TAF4B: variants seen among roughly 807,000 people sequenced by gnomAD.
TAF4B encodes the protein TATA-box binding protein associated factor 4b.
Under a neutral mutation model 86.4 loss-of-function variants are expected in TAF4B, and 38 were observed. The ratio of observed to expected loss-of-function variants is 0.44; its 90% CI spans 0.34 to 0.58. The LOEUF (loss-of-function observed/expected upper bound fraction) is 0.58, where lower values mean the gene tolerates loss of function less well. Ranked by LOEUF, TAF4B falls within the 20% of genes least tolerant of loss-of-function variation. The pLI is 0.02. For synonymous variants in TAF4B, 388 were observed against 391.2 expected, an observed-to-expected ratio of 0.99 and a Z score of 0.10; for missense variants, 988 against 1,027.6, an observed-to-expected ratio of 0.96 and a Z score of 0.53.
chr18:26,349,386 A>G (rs548143834), intron 13 of TAF4B, among the ~76,000 whole-genome samples: 47 of 152,308 alleles, frequency 3.1e-4, no homozygotes, highest in African/African-American at 1.1e-3. Flanking sequence ...AGTATTCCTT[A>G]CCTAATGAAC....
At chr18:26,241,084 TG>T (rs1005951523) in intron 1 of TAF4B, among the ~76,000 whole-genome samples, 5 of 152,212 alleles carry the variant, frequency 3.3e-5, no homozygotes, top group African/African-American at 1.2e-4. Context: ...GGTATCAGGA[TG>T]GTATTGGCCT....
chr18:26,368,683 T>C (rs2057387138), intron 14 of TAF4B, among the ~76,000 whole-genome samples: 1 of 152,206 alleles, frequency 6.6e-6, no homozygotes, highest in African/African-American at 2.4e-5. Context: ...GCCGTTACCT[T>C]AGACAAAGCA....
intron 1 of TAF4B, among the ~76,000 whole-genome samples, chr18:26,259,067 G>A (rs577507381): frequency 9.0e-4 from 137 of 151,898 alleles, no homozygotes; most frequent in African/African-American, 3.1e-3. Flanking sequence ...GTGTCTTGGC[G>A]TGGGGATCTC....
chr18:26,240,195 T>C (rs901934148), intron 1 of TAF4B, among the ~76,000 whole-genome samples: 18 of 152,222 alleles, frequency 1.2e-4, no homozygotes, highest in African/African-American at 4.1e-4. Flanking sequence ...GCCATTTTCA[T>C]GATATTGATT....
intron 9 of TAF4B, 35 bp from the exon 10 acceptor site, chr18:26,315,186 CACACACAA>C (rs781563216): frequency 1.5e-6 from 2 of 1,353,934 alleles, no homozygotes; most frequent in African/African-American, 1.6e-5. Context: ...CACACACACA[CACACACAA>C]CCTAAAATGT....
chr18:26,257,839 G>A (rs528583309), intron 1 of TAF4B, among the ~76,000 whole-genome samples: 35 of 108,708 alleles, frequency 3.2e-4, no homozygotes, highest in African/African-American at 1.5e-3. Context: ...TTTCCTCTGC[G>A]TGCGTGTGTG....
At chr18:26,285,222 G>GTTTTTTTTTTTGTTTTTTTTTTTTTTTT in intron 6 of TAF4B, among the ~76,000 whole-genome samples, 1 of 45,660 alleles carries the variant, frequency 2.2e-5, no homozygotes, top group East Asian at 1.1e-3. Context: ...TTTTTTTTTT[G>GTTTTTTTTTTTGTTTTTTTTTTTTTTTT]TTTTTTTTTT....
intron 14 of TAF4B, among the ~76,000 whole-genome samples, chr18:26,364,477 T>C (rs2057355873): frequency 6.7e-6 from 1 of 149,774 alleles, no homozygotes; most frequent in Non-Finnish European, 1.5e-5. Context: ...ATTGTTTATA[T>C]GTATTGTATC....
chr18:26,285,757 C>T lies in TAF4B; in HGVS notation c.973-125C>T, dbSNP rs1019914416. ...GATATAAGTAAGTGATACAAGCTGTCTTCAACTGAAATACTTGATACACTT... is the reference window on the plus strand; with the variant it reads ...GATATAAGTAAGTGATACAAGCTGTTTTCAACTGAAATACTTGATACACTT... On this transcript the variant is annotated intron_variant, in intron 6 of 14. Transcript: ENST00000269142. 8 of 1,191,218 alleles carry T rather than the reference C, an allele frequency of 6.7e-6. No individual in the cohort carries two copies. The South Asian group carries it at 8.9e-5, about 13-fold the overall frequency. 73.8% of individuals were successfully genotyped at this position (1,191,218 alleles called of 1,614,324 possible).
intron 1 of TAF4B, among the ~76,000 whole-genome samples, chr18:26,236,847 T>C (rs1249443556): frequency 6.6e-6 from 1 of 152,202 alleles, no homozygotes; most frequent in Non-Finnish European, 1.5e-5. Flanking sequence ...GGCTCACTTT[T>C]AGAGCTTTCT....
rs527768966 is a variant in TAF4B at position 26,369,645 on chromosome 18, C to T, written c.2421+11851C>T. Among the ~76,000 whole-genome samples, 3 of 152,326 alleles carry T rather than the reference C, an allele frequency of 2.0e-5. No individual in the cohort carries two copies. In the East Asian group the frequency reaches 5.8e-4, roughly 29 times the overall value. On this transcript the variant is annotated intron_variant, in intron 14 of 14. Coordinates refer to ENST00000269142, the MANE Select transcript of TAF4B (RefSeq NM_005640.3). ...TGGCATGGGCTGGCACAGGCATTGC[C>T]CAGCAGCTGGGCTCCTTAGCTCCTC...
chr18:26,346,769 ATATATGTGTGTG>A (rs1349053569), intron 13 of TAF4B, among the ~76,000 whole-genome samples: 3,465 of 24,082 alleles, frequency 0.14, 897 homozygotes, highest in Non-Finnish European at 0.26. Context: ...GTATATATAT[ATATATGTGTGTG>A]TATATATATA....
intron 13 of TAF4B, among the ~76,000 whole-genome samples, chr18:26,338,254 C>T (rs2057108087): frequency 6.6e-6 from 1 of 151,942 alleles, no homozygotes; most frequent in Non-Finnish European, 1.5e-5. Flanking sequence ...TCGAGACCAG[C>T]CTGGGCAACA....
intron 9 of TAF4B, among the ~76,000 whole-genome samples, chr18:26,304,000 A>G (rs1443686476): frequency 6.6e-6 from 1 of 152,000 alleles, no homozygotes; most frequent in Non-Finnish European, 1.5e-5. Context: ...TGTTGTTATT[A>G]TAAGTAATAT....
At chr18:26,227,938 G>A (rs1404359165) in intron 1 of TAF4B, among the ~76,000 whole-genome samples, 1 of 152,208 alleles carries the variant, frequency 6.6e-6, no homozygotes, top group African/African-American at 2.4e-5. Flanking sequence ...ATCTTTAAAT[G>A]TCTTATGATT....
At chr18:26,255,995 G>A in intron 1 of TAF4B, 1 of 1,309,136 alleles carries the variant, frequency 7.6e-7, no homozygotes, top group Non-Finnish European at 1.1e-6. Flanking sequence ...GGTACTGTGA[G>A]CATCAGAATT....
At chr18:26,229,399 C>T (rs1048740422) in intron 1 of TAF4B, among the ~76,000 whole-genome samples, 4 of 151,464 alleles carry the variant, frequency 2.6e-5, no homozygotes, top group African/African-American at 9.7e-5. Context: ...AATAAGATAA[C>T]CAATAGTTGA....
rs142246237 is a variant in TAF4B at position 26,327,434 on chromosome 18, G to A, written c.2259+294G>A. Among the ~76,000 whole-genome samples the A allele has an allele frequency of 2.9e-3, 448 of 152,262 alleles. 4 individuals are homozygous for A. The highest frequency in any genetic ancestry group is 0.01 in the African/African-American group (432 of 41,534). ...CAGGGTCTTTTTAGGAATCCAATTT[G>A]ATACATGCCAAGTTGAAGTTGATAG... On this transcript the variant is annotated intron_variant, in intron 12 of 14. Coordinates refer to ENST00000269142, the MANE Select transcript of TAF4B (RefSeq NM_005640.3).
intron 13 of TAF4B, among the ~76,000 whole-genome samples, chr18:26,335,847 A>G (rs1182514894): frequency 6.6e-6 from 1 of 152,228 alleles, no homozygotes; most frequent in Non-Finnish European, 1.5e-5. Flanking sequence ...GCCTCCTCTC[A>G]GTAGCTGACT....
Sources: gnomAD v4.1 joint callset for allele counts (sites outside exome capture counted in the v4.1 genomes callset) on GRCh38, gnomAD v4.1.1 for gene constraint, MANE v1.5 for transcripts, NCBI Gene and HGNC (gene_info 2026-07-23, HGNC 2026-07-21) for gene names.